LIN54: variants seen among roughly 807,000 people sequenced by gnomAD.
LIN54 encodes protein lin-54 homolog.
In LIN54, 9 loss-of-function variants were observed where a neutral mutation model predicts 78.7. The observed-to-expected ratio is 0.11, with a 90% confidence interval of 0.07 to 0.20. LIN54 has a LOEUF of 0.20. Among genes scored for constraint, LIN54 ranks in the 10% least tolerant of loss-of-function variants. The probability of loss-of-function intolerance (pLI) is 1.00; values close to 1 mark genes in which losing one functional copy is unlikely to be tolerated. For missense variants in LIN54, 573 were observed against 889.9 expected (o/e 0.64, Z 4.53); for synonymous variants, 269 against 318.4 (o/e 0.84, Z 1.65).
intron 4 of LIN54, among the ~76,000 whole-genome samples, chr4:82,963,314 C>T (rs1724952316): frequency 6.6e-6 from 1 of 152,054 alleles, no homozygotes; most frequent in Non-Finnish European, 1.5e-5. Context: ...AATCTATTGT[C>T]AGTAGTCTTT....
chr4:83,005,827 C>T (rs1263978783), intron 1 of LIN54, among the ~76,000 whole-genome samples: 5 of 152,088 alleles, frequency 3.3e-5, no homozygotes, highest in Non-Finnish European at 7.3e-5. Flanking sequence ...AAGACACATG[C>T]ACCCACATGG....
chr4:83,011,304 A>G (rs1729842916), upstream of LIN54, among the ~76,000 whole-genome samples: 1 of 152,218 alleles, frequency 6.6e-6, no homozygotes, highest in Non-Finnish European at 1.5e-5. Flanking sequence ...CACCTTTGTC[A>G]ATTACAGGCA....
intron 3 of LIN54, among the ~76,000 whole-genome samples, chr4:82,978,619 T>C (rs1200814496): frequency 1.3e-5 from 2 of 152,244 alleles, no homozygotes; most frequent in Non-Finnish European, 2.9e-5. Context: ...CAGTGAACAC[T>C]GTATAAATAT....
chr4:83,003,175 G>A (rs1346985103), intron 1 of LIN54, among the ~76,000 whole-genome samples: 1 of 151,986 alleles, frequency 6.6e-6, no homozygotes, highest in Non-Finnish European at 1.5e-5. Context: ...CACCACGCTT[G>A]GCTTATTTTT....
chr4:82,948,244 C>T (rs1369266050), intron 4 of LIN54, among the ~76,000 whole-genome samples: 1 of 152,082 alleles, frequency 6.6e-6, no homozygotes, highest in Non-Finnish European at 1.5e-5. Flanking sequence ...GTGCTTGAAA[C>T]ATAATAGTTA....
chr4:82,960,520 A>T (rs1724700181), intron 4 of LIN54, among the ~76,000 whole-genome samples: 2 of 150,720 alleles, frequency 1.3e-5, no homozygotes. Flanking sequence ...TGCAGCCTCA[A>T]CCTCCTGGGC....
chr4:82,998,625 A>G (rs972430821), intron 1 of LIN54, among the ~76,000 whole-genome samples: 2 of 152,036 alleles, frequency 1.3e-5, no homozygotes, highest in African/African-American at 4.8e-5. Flanking sequence ...GAAGAGAAAG[A>G]AACAGAGAAA....
Position 83,003,757 on chromosome 4 carries a change from C to T in LIN54, c.-33+6727G>A, listed in dbSNP as rs138028404. 1.1e-3 allele frequency among the ~76,000 whole-genome samples: 169 copies of T among 152,306 alleles called. 1 individual carries two copies. The highest frequency in any genetic ancestry group is 3.9e-3 in the African/African-American group (161 of 41,558). ...CCCAGGCTAGTCTCAAACACCTGAG[C>T]TCAAGCCATCCACCCACCTCGGCCT... On this transcript the variant is annotated intron_variant, in intron 1 of 12. Transcript: ENST00000340417.
chr4:82,946,065 T>C lies in LIN54; in HGVS notation c.1168+193A>G, dbSNP rs1002279569. 7.9e-5 allele frequency among the ~76,000 whole-genome samples: 12 copies of C among 151,934 alleles called. No homozygotes were observed. In the East Asian group the frequency reaches 1.9e-3, roughly 24 times the overall value. ...TATTATCTGGTATAATACCACACTG[T>C]GTACCAACATCTAGCAGAAAGAATA... On this transcript the variant is annotated intron_variant, in intron 5 of 12. Coordinates refer to ENST00000340417, the MANE Select transcript of LIN54 (RefSeq NM_194282.4).
At chr4:82,976,611 G>A (rs1223142043) in intron 3 of LIN54, among the ~76,000 whole-genome samples, 4 of 152,114 alleles carry the variant, frequency 2.6e-5, no homozygotes, top group Non-Finnish European at 5.9e-5. Context: ...GGGAGGCTGA[G>A]GCAGGAGAAT....
Position 82,926,277 on chromosome 4 carries a change from A to G in LIN54, c.*1825T>C, listed in dbSNP as rs368453835. The G allele has an allele frequency of 1.3e-5, 2 of 152,558 alleles. No individual in the cohort carries two copies. The highest frequency in any genetic ancestry group is 3.8e-4 in the East Asian group (2 of 5,204). The allele number at this position is 152,558 out of a possible 1,614,324, so 9.5% of individuals were successfully genotyped here. On this transcript the variant is annotated 3_prime_UTR_variant, in exon 13 of 13. Transcript: ENST00000340417. Reference sequence around the variant, plus strand: ...TGAAAAATAACTTGATTATTATTTTACCCTCTTACACTAATTTACATTTAT... The same window carrying G: ...TGAAAAATAACTTGATTATTATTTTGCCCTCTTACACTAATTTACATTTAT...
chr4:82,948,103 A>G (rs1000325204), intron 4 of LIN54, among the ~76,000 whole-genome samples: 7 of 152,242 alleles, frequency 4.6e-5, no homozygotes, highest in Non-Finnish European at 8.8e-5. Flanking sequence ...GATTAAATGT[A>G]TAAATATGGA....
At chr4:82,967,922 C>T (rs1311003666) in intron 4 of LIN54, among the ~76,000 whole-genome samples, 1 of 152,162 alleles carries the variant, frequency 6.6e-6, no homozygotes, top group Non-Finnish European at 1.5e-5. Context: ...ACCGCGAATC[C>T]CTGAGCCATG....
At chr4:82,995,871 C>T (rs13136836) in intron 1 of LIN54, among the ~76,000 whole-genome samples, 1 of 151,698 alleles carries the variant, frequency 6.6e-6, no homozygotes. Context: ...CAGGACCAGG[C>T]ACGGTGGCTC....
Position 82,970,432 on chromosome 4 carries a change from T to G in LIN54, c.846A>C (p.Ser282=), listed in dbSNP as rs774946823. The stretch of plus-strand genomic sequence containing the variant: ...CACTTTCAGATATTGTTATGGTCTT[T>G]GATGGAGTTCCGGGAGTAGACTGTG... ...VLSQSTPGTP[S]KTITISESGV... The change falls in exon 4 of 13, where the codon TCA becomes TCC. Residue 282 remains serine, a synonymous_variant. Coordinates refer to ENST00000340417, the MANE Select transcript of LIN54 (RefSeq NM_194282.4). The G allele has an allele frequency of 1.2e-6, 2 of 1,613,426 alleles. No individual in the cohort carries two copies. The highest frequency in any genetic ancestry group is 2.2e-5 in the South Asian group (2 of 90,970).
At chr4:82,948,632 T>A (rs949808179) in intron 4 of LIN54, among the ~76,000 whole-genome samples, 2 of 152,170 alleles carry the variant, frequency 1.3e-5, no homozygotes, top group Non-Finnish European at 2.9e-5. Context: ...GTCCTCACAC[T>A]GTATATTAGA....
intron 1 of LIN54, among the ~76,000 whole-genome samples, chr4:83,001,867 G>GAAAAA (rs1442633899): frequency 1.2e-4 from 1 of 8,314 alleles, no homozygotes; most frequent in Non-Finnish European, 1.8e-4. Context: ...AAAAGGATAG[G>GAAAAA]AAGGAAGGAA....
chr4:82,948,975 T>A (rs1431483198), intron 4 of LIN54, among the ~76,000 whole-genome samples: 1 of 152,214 alleles, frequency 6.6e-6, no homozygotes, highest in Non-Finnish European at 1.5e-5. Flanking sequence ...ATAATAAACA[T>A]GGAAGTGCAG....
intron 11 of LIN54, among the ~76,000 whole-genome samples, chr4:82,935,006 C>T (rs1722278198): frequency 6.6e-6 from 1 of 151,996 alleles, no homozygotes. Context: ...AGACGCCTGA[C>T]CCATAAGTAA....
Sources: gnomAD v4.1 joint callset for allele counts (sites outside exome capture counted in the v4.1 genomes callset) on GRCh38, gnomAD v4.1.1 for gene constraint, MANE v1.5 for transcripts, NCBI Gene and HGNC (gene_info 2026-07-23, HGNC 2026-07-21) for gene names.